Variants in DYNC1H1 observed in about 807,000 individuals in gnomAD.
The protein encoded by DYNC1H1 is cytoplasmic dynein 1 heavy chain 1.
Under a neutral mutation model 527.1 loss-of-function variants are expected in DYNC1H1, and 51 were observed. The ratio of observed to expected loss-of-function variants is 0.10; its 90% CI spans 0.08 to 0.12. The LOEUF is 0.12. Ranked by LOEUF, DYNC1H1 falls within the 10% of genes least tolerant of loss-of-function variation. The pLI is 1.00. For synonymous variants in DYNC1H1, 2,189 were observed against 2,278.8 expected (o/e 0.96, Z 1.12); for missense variants, 2,771 against 5,971.8 (o/e 0.46, Z 17.66).
chr14:102,036,971 C>T lies in DYNC1H1; in HGVS notation c.10908+329C>T. On this transcript the variant is annotated intron_variant, in intron 57 of 77. Coordinates refer to ENST00000360184, the MANE Select transcript of DYNC1H1 (RefSeq NM_001376.5). This position sits in a 1 kb window ranked among gnomAD's most constrained non-coding sequence, Gnocchi z 5.6. Reference sequence around the variant, plus strand: ...AATTAGCTGGTTGAGGTGGCTGGCACCTGTAGTCCCAGCTACTCGGGAGGC... The same window carrying T: ...AATTAGCTGGTTGAGGTGGCTGGCATCTGTAGTCCCAGCTACTCGGGAGGC... 2.8e-6 allele frequency: 1 copy of T among 353,950 alleles called. No individual in the cohort carries two copies. The allele number at this position is 353,950 out of a possible 1,614,324, so 21.9% of individuals were successfully genotyped here.
At position 102,016,613 on chromosome 14, in the gene DYNC1H1, T is replaced by C; in HGVS notation, c.7614+124T>C. Reference sequence around the variant, plus strand: ...TTTATTCCATTTCATAGAAGGACTTTATCCTTTTAGTTCCATGTGTTAGCA... The same window carrying C: ...TTTATTCCATTTCATAGAAGGACTTCATCCTTTTAGTTCCATGTGTTAGCA... On this transcript the variant is annotated intron_variant, in intron 37 of 77. Coordinates refer to ENST00000360184, the MANE Select transcript of DYNC1H1 (RefSeq NM_001376.5). The surrounding 1 kb of genome is among the most constrained non-coding windows in gnomAD (Gnocchi z 7.3). 1 of 1,578,604 alleles carries C rather than the reference T, an allele frequency of 6.3e-7. No homozygotes were observed. Among genetic ancestry groups the C allele is most frequent in the East Asian group, 2.2e-5 (1 of 44,602 alleles).
At chr14:102,032,035 C>A (rs1237336053) in intron 51 of DYNC1H1, among the ~76,000 whole-genome samples, 1 of 152,152 alleles carries the variant, frequency 6.6e-6, no homozygotes. Flanking sequence ...TAATATCCTG[C>A]TTTTTAAGGA....
intron 72 of DYNC1H1, among the ~76,000 whole-genome samples, chr14:102,047,475 T>G (rs2048734345): frequency 6.6e-6 from 1 of 151,734 alleles, no homozygotes; most frequent in South Asian, 2.1e-4. Flanking sequence ...AGGCAGAGGT[T>G]GCAGTGAGCC....
At chr14:102,043,082 G>A (rs180750454) in intron 69 of DYNC1H1, 17 of 367,148 alleles carry the variant, frequency 4.6e-5, no homozygotes, top group African/African-American at 3.2e-4. Context: ...AGGAGTTCAA[G>A]ACCAGCATGG....
At position 102,039,643 on chromosome 14, in the gene DYNC1H1, G is replaced by A. The variant is rs781162203; in HGVS notation, c.11601G>A (p.Ala3867=). 1.1e-5 allele frequency: 17 copies of A among 1,614,132 alleles called. No homozygotes were observed. The South Asian group carries it at 1.1e-4, about 10-fold the overall frequency. The change falls in exon 62 of 78, where the codon GCG becomes GCA. Residue 3867 remains alanine (A), a synonymous_variant. Transcript: ENST00000360184. The surrounding 1 kb of genome is among the most constrained non-coding windows in gnomAD (Gnocchi z 7.0). ...GTCTCCTGCTCTTGTCCCAGGTGGC[G>A]TTTAACCGAGTGGCTCGAGGCATGC... is the stretch of plus-strand genomic sequence containing the variant. ...SIITKDLFQV[A]FNRVARGMLH...
At chr14:101,992,636 C>T (rs2048010791) in intron 11 of DYNC1H1, among the ~76,000 whole-genome samples, 1 of 152,158 alleles carries the variant, frequency 6.6e-6, no homozygotes. Flanking sequence ...CCCATGTCCC[C>T]TGCAATCTTC....
intron 5 of DYNC1H1, among the ~76,000 whole-genome samples, chr14:101,980,831 A>G (rs1285157675): frequency 1.3e-5 from 2 of 152,228 alleles, no homozygotes; most frequent in African/African-American, 4.8e-5. Flanking sequence ...GCTGGGCTCC[A>G]TGAGTCATCT....
In DYNC1H1 at chr14:101,995,081, T is replaced by G. The variant is rs776128986; in HGVS notation, c.3429T>G (p.His1143Gln). The change falls in exon 14 of 78, where the codon CAT (histidine) becomes CAG (glutamine). Residue 1143 changes from histidine to glutamine, a missense_variant. By Grantham distance (24) the His-to-Gln change is conservative. Coordinates refer to ENST00000360184, the MANE Select transcript of DYNC1H1 (RefSeq NM_001376.5). ...QMLGSNMTEF[H>Q]SQISKSRQEL... ...TAGGATCAAACATGACGGAATTCCA[T>G]TCCCAGATCTCAAAGGTGAGGACAT... 1 of 1,614,090 alleles carries G rather than the reference T, an allele frequency of 6.2e-7. No individual in the cohort carries two copies. Among genetic ancestry groups the G allele is most frequent in the Non-Finnish European group, 8.5e-7 (1 of 1,179,954 alleles).
In DYNC1H1 at chr14:102,029,803, G is replaced by C; in HGVS notation, c.9643-16G>C. 1.2e-6 allele frequency: 2 copies of C among 1,614,172 alleles called. No individual in the cohort carries two copies. Among genetic ancestry groups the C allele is most frequent in the Non-Finnish European group, 1.7e-6 (2 of 1,180,036 alleles). ...CTGCATGTTTCTCGTCTCTGAGTGT[G>C]GGCTTTGCTCTTTAGGTAGAAGAAC... On this transcript the variant is annotated splice_polypyrimidine_tract_variant and intron_variant, in intron 49 of 77. Transcript: ENST00000360184. This position sits in a 1 kb window ranked among gnomAD's most constrained non-coding sequence, Gnocchi z 5.3.
At position 102,047,637 on chromosome 14, in the gene DYNC1H1, G is replaced by GTATATATATA. The variant is rs1311727690; in HGVS notation, c.13007-179_13007-178insATATATATAT. 3,335 of 393,218 alleles carry GTATATATATA rather than the reference G, an allele frequency of 8.5e-3. 56 individuals carry two copies. Among genetic ancestry groups the GTATATATATA allele is most frequent in the African/African-American group, 0.033 (733 of 22,334 alleles). 24.4% of individuals were successfully genotyped at this position (393,218 alleles called of 1,614,324 possible). ...TATATACACGTGTGTGTGTGTGTGT[G>GTATATATATA]TGTGTATATATATATATATATATAT... On this transcript the variant is annotated intron_variant, in intron 72 of 77. Coordinates refer to ENST00000360184, the MANE Select transcript of DYNC1H1 (RefSeq NM_001376.5).
chr14:101,974,571 G>A (rs779997671), intron 1 of DYNC1H1, among the ~76,000 whole-genome samples: 2 of 152,178 alleles, frequency 1.3e-5, no homozygotes, highest in Non-Finnish European at 2.9e-5. Flanking sequence ...TAGATGTAGA[G>A]GTTTAGATTA....
At position 102,020,003 on chromosome 14, in the gene DYNC1H1, T is replaced by A; in HGVS notation, c.8454T>A (p.Val2818=). The change falls in exon 42 of 78, where the codon GTT becomes GTA. Residue 2818 remains valine (V), a synonymous_variant. Coordinates refer to ENST00000360184, the MANE Select transcript of DYNC1H1 (RefSeq NM_001376.5). This position sits in a 1 kb window ranked among gnomAD's most constrained non-coding sequence, Gnocchi z 4.3. Reference sequence around the variant, plus strand: ...TGAGACCTCTGGAGACCCTGCCTGTTGAAGGCCTCATTCGGATTTGGGCAC... The same window carrying A: ...TGAGACCTCTGGAGACCCTGCCTGTAGAAGGCCTCATTCGGATTTGGGCAC... The part of the protein sequence containing the change: ...EALRPLETLP[V]EGLIRIWAHE... 1 of 1,614,188 alleles carries A rather than the reference T, an allele frequency of 6.2e-7. No individual in the cohort carries two copies.
chr14:102,049,957 C>T lies in DYNC1H1; in HGVS notation c.13684+75C>T. 1 of 1,505,634 alleles carries T rather than the reference C, an allele frequency of 6.6e-7. No homozygotes were observed. The highest frequency in any genetic ancestry group is 8.9e-7 in the Non-Finnish European group (1 of 1,126,716). The allele number at this position is 1,505,634 out of a possible 1,614,324, so 93.3% of individuals were successfully genotyped here. On this transcript the variant is annotated intron_variant, in intron 76 of 77. Coordinates refer to ENST00000360184, the MANE Select transcript of DYNC1H1 (RefSeq NM_001376.5). This position sits in a 1 kb window ranked among gnomAD's most constrained non-coding sequence, Gnocchi z 5.5. ...GGCCTGAGACCATTGTTCCCAGATA[C>T]ATGCACTTAGGGTGACCGGCTGGCA... is the stretch of plus-strand genomic sequence containing the variant.
In DYNC1H1 at chr14:101,964,837, C is replaced by A; in HGVS notation, c.146C>A (p.Pro49Gln). The change falls in exon 1 of 78, where the codon CCG (proline) becomes CAG (glutamine). Residue 49 changes from proline to glutamine, a missense_variant. Coordinates refer to ENST00000360184, the MANE Select transcript of DYNC1H1 (RefSeq NM_001376.5). This position sits in a 1 kb window ranked among gnomAD's most constrained non-coding sequence, Gnocchi z 5.5. ...CTGCTGGAGGACGGCGGCGAGGCGC[C>A]GGCCGCGCTGGAGGCGGCGCTGGAG... ...PLLLEDGGEA[P>Q]AALEAALEEK... The A allele has an allele frequency of 6.2e-7, 1 of 1,600,088 alleles. No individual in the cohort carries two copies. The highest frequency in any genetic ancestry group is 2.2e-5 in the East Asian group (1 of 44,448).
Position 102,038,981 on chromosome 14 carries a change from G to A in DYNC1H1, c.11207-20G>A, listed in dbSNP as rs1187651671. 1.9e-6 allele frequency: 3 copies of A among 1,613,926 alleles called. No homozygotes were observed. The highest frequency in any genetic ancestry group is 1.6e-4 in the Middle Eastern group (1 of 6,062). On this transcript the variant is annotated intron_variant, in intron 59 of 77. Coordinates refer to ENST00000360184, the MANE Select transcript of DYNC1H1 (RefSeq NM_001376.5). The surrounding 1 kb of genome is among the most constrained non-coding windows in gnomAD (Gnocchi z 7.2). ...CTTTTGAAGGATTATTGCAAACTCTGGATGTTTTATTCATTTAAGGGGAAT... is the reference window on the plus strand; with the variant it reads ...CTTTTGAAGGATTATTGCAAACTCTAGATGTTTTATTCATTTAAGGGGAAT...
rs771421191 is a variant in DYNC1H1 at position 101,979,272 on chromosome 14, A to G, written c.345-47A>G. On this transcript the variant is annotated intron_variant, in intron 2 of 77. Transcript: ENST00000360184. This position sits in a 1 kb window ranked among gnomAD's most constrained non-coding sequence, Gnocchi z 4.6. ...TATGATTTTTAAATTAATAAGCCTA[A>G]TTAGGAGTGTAACTTTTCTAATTTC... 2 of 1,577,806 alleles carry G rather than the reference A, an allele frequency of 1.3e-6. No individual in the cohort carries two copies. Among genetic ancestry groups the G allele is most frequent in the East Asian group, 2.2e-5 (1 of 44,728 alleles).
In DYNC1H1 at chr14:102,038,576, T is replaced by C; in HGVS notation, c.11025T>C (p.Phe3675=). 6.2e-7 allele frequency: 1 copy of C among 1,614,212 alleles called. No homozygotes were observed. The highest frequency in any genetic ancestry group is 8.5e-7 in the Non-Finnish European group (1 of 1,180,044). The change falls in exon 58 of 78, where the codon TTT becomes TTC. Residue 3675 remains phenylalanine (F), a synonymous_variant. Transcript: ENST00000360184. The surrounding 1 kb of genome is among the most constrained non-coding windows in gnomAD (Gnocchi z 7.2). Reference sequence around the variant, plus strand: ...AGGACATAGACCTGTCGCCATCGTTTGTCATCTTCCTGTCCACCCGGGATC... The same window carrying C: ...AGGACATAGACCTGTCGCCATCGTTCGTCATCTTCCTGTCCACCCGGGATC... The part of the protein sequence containing the change: ...GDQDIDLSPS[F]VIFLSTRDPT...
intron 69 of DYNC1H1, chr14:102,043,456 C>G (rs1219977734): frequency 6.2e-6 from 2 of 322,598 alleles, no homozygotes; most frequent in Non-Finnish European, 1.2e-5. Context: ...GAGTTGTGTC[C>G]CCAGGTGGCA....
intron 69 of DYNC1H1, chr14:102,043,603 G>A: frequency 2.0e-6 from 1 of 502,818 alleles, no homozygotes; most frequent in Non-Finnish European, 3.6e-6. Context: ...GTTCTATTTT[G>A]TGCCACATTC....
Sources: gnomAD v4.1 joint callset for allele counts (sites outside exome capture counted in the v4.1 genomes callset) on GRCh38, gnomAD v4.1.1 for gene constraint, Gnocchi (gnomAD v3.1) non-coding constraint, MANE v1.5 for transcripts, NCBI Gene and HGNC (gene_info 2026-07-23, HGNC 2026-07-21) for gene names.